Variants in ABTB3 observed in about 807,000 individuals in gnomAD.
ABTB3 encodes ankyrin repeat- and BTB/POZ domain-containing protein 3.
chr12:107,478,500 T>G, the ABTB3 span, among the ~76,000 whole-genome samples: 3 of 152,182 alleles, frequency 2.0e-5, no homozygotes, highest in Non-Finnish European at 4.4e-5. Context: ...AATAGTAGTT[T>G]GATGAACAAA....
chr12:107,577,603 G>C, the ABTB3 span, among the ~76,000 whole-genome samples: 10 of 152,130 alleles, frequency 6.6e-5, no homozygotes, highest in Non-Finnish European at 1.2e-4. Context: ...GCCCATCAAG[G>C]CTTTCTCTTT....
chr12:107,551,537 A>G, the ABTB3 span, among the ~76,000 whole-genome samples: 2 of 152,232 alleles, frequency 1.3e-5, no homozygotes, highest in African/African-American at 2.4e-5. Flanking sequence ...GTTAGCTAAC[A>G]ACACCCTGCT....
At chr12:107,551,758 T>C in the ABTB3 span, among the ~76,000 whole-genome samples, 5 of 150,954 alleles carry the variant, frequency 3.3e-5, no homozygotes, top group Non-Finnish European at 7.4e-5. Context: ...TAATCTTCTT[T>C]TTTTTTTTTT....
chr12:107,380,105 G>A, the ABTB3 span, among the ~76,000 whole-genome samples: 33 of 152,220 alleles, frequency 2.2e-4, no homozygotes, highest in Non-Finnish European at 3.4e-4. Context: ...CCGGGGTGCA[G>A]TACAGCAGTA....
At chr12:107,385,124 G>T in the ABTB3 span, among the ~76,000 whole-genome samples, 1 of 152,136 alleles carries the variant, frequency 6.6e-6, no homozygotes, top group African/African-American at 2.4e-5. Flanking sequence ...TTCTTTCCTC[G>T]AAGGCAGCCA....
the ABTB3 span, among the ~76,000 whole-genome samples, chr12:107,543,445 A>C: frequency 6.6e-6 from 1 of 152,110 alleles, no homozygotes; most frequent in Non-Finnish European, 1.5e-5. Flanking sequence ...ATTAATTTAT[A>C]AGCAGATACC....
the ABTB3 span, among the ~76,000 whole-genome samples, chr12:107,400,909 G>A: frequency 1.3e-5 from 2 of 152,106 alleles, no homozygotes; most frequent in Admixed American, 6.6e-5. Context: ...GCCTGGTTTC[G>A]AAAGGCCCTG....
At chr12:107,521,185 A>G in the ABTB3 span, among the ~76,000 whole-genome samples, 6 of 152,088 alleles carry the variant, frequency 3.9e-5, no homozygotes, top group African/African-American at 1.2e-4. Flanking sequence ...ATCGTTGGCT[A>G]CAAGGATCAA....
the ABTB3 span, among the ~76,000 whole-genome samples, chr12:107,570,307 C>T: frequency 2.0e-5 from 3 of 152,150 alleles, no homozygotes; most frequent in African/African-American, 2.4e-5. Flanking sequence ...CTCTGCCTCC[C>T]GGGTTCAAGC....
chr12:107,509,714 C>A, the ABTB3 span, among the ~76,000 whole-genome samples: 1 of 152,234 alleles, frequency 6.6e-6, no homozygotes, highest in African/African-American at 2.4e-5. Context: ...TAGGGCATGC[C>A]TCTCGCAGAG....
At chr12:107,540,277 G>A in the ABTB3 span, among the ~76,000 whole-genome samples, 3 of 152,286 alleles carry the variant, frequency 2.0e-5, no homozygotes, top group East Asian at 3.9e-4. Flanking sequence ...AGGTGGAAGG[G>A]CAAGAGAAGA....
At chr12:107,619,934 C>G in the ABTB3 span, 2 of 1,484,062 alleles carry the variant, frequency 1.3e-6, no homozygotes, top group Non-Finnish European at 9.0e-7. Flanking sequence ...CCACCTTTCC[C>G]CTCTCTCTCC....
chr12:107,655,077 T>C, the ABTB3 span, among the ~76,000 whole-genome samples: 1 of 152,140 alleles, frequency 6.6e-6, no homozygotes, highest in African/African-American at 2.4e-5. Flanking sequence ...GGCTTTTCTG[T>C]GGCCTACCAC....
At chr12:107,324,024 A>G in the ABTB3 span, among the ~76,000 whole-genome samples, 1 of 152,128 alleles carries the variant, frequency 6.6e-6, no homozygotes, top group Non-Finnish European at 1.5e-5. Flanking sequence ...ATGCGACCCA[A>G]CCTCTCTGTC....
chr12:107,434,480 A>C, the ABTB3 span, among the ~76,000 whole-genome samples: 2 of 152,182 alleles, frequency 1.3e-5, no homozygotes, highest in African/African-American at 4.8e-5. Flanking sequence ...ATCATCACAT[A>C]CTCAGATGCT....
the ABTB3 span, among the ~76,000 whole-genome samples, chr12:107,373,835 C>G: frequency 2.0e-5 from 3 of 152,320 alleles, no homozygotes; most frequent in Admixed American, 6.5e-5. Flanking sequence ...TTTCCCTAGC[C>G]CGGTGCCTTC....
the ABTB3 span, among the ~76,000 whole-genome samples, chr12:107,347,700 C>T: frequency 1.3e-5 from 2 of 152,090 alleles, no homozygotes; most frequent in African/African-American, 4.8e-5. Flanking sequence ...CTGACAGTGT[C>T]ACTTTCATCA....
chr12:107,355,267 C>T, the ABTB3 span, among the ~76,000 whole-genome samples: 1 of 152,222 alleles, frequency 6.6e-6, no homozygotes, highest in Non-Finnish European at 1.5e-5. Context: ...GGGGTGGAGA[C>T]CCACCTGGGA....
At chr12:107,408,196 T>G in the ABTB3 span, among the ~76,000 whole-genome samples, 1 of 152,168 alleles carries the variant, frequency 6.6e-6, no homozygotes, top group African/African-American at 2.4e-5. Context: ...GAAAGGTAAT[T>G]TAACTGCAAT....
Sources: gnomAD v4.1 joint callset for allele counts (sites outside exome capture counted in the v4.1 genomes callset) on GRCh38, gnomAD v4.1.1 for gene constraint, MANE v1.5 for transcripts, NCBI Gene and HGNC (gene_info 2026-07-23, HGNC 2026-07-21) for gene names.